The following KIAA1217 variants were observed in gnomAD, a reference collection of about 807,000 sequenced individuals.
KIAA1217 encodes sickle tail protein homolog.
KIAA1217 carries 88 observed loss-of-function variants against 163.9 expected under a neutral mutation model. The ratio of observed to expected loss-of-function variants is 0.54; its 90% CI spans 0.45 to 0.64. The LOEUF (loss-of-function observed/expected upper bound fraction) is 0.64, where lower values mean the gene tolerates loss of function less well. KIAA1217 is among the 30% of genes least tolerant of loss of function. KIAA1217 has a pLI of 0.00. For missense variants in KIAA1217, 2,372 were observed against 2,475.0 expected, an observed-to-expected ratio of 0.96 and a Z score of 0.88; for synonymous variants, 903 against 923.1, an observed-to-expected ratio of 0.98 and a Z score of 0.39.
At chr10:23,702,664 A>AACACAC (rs1163522532) in intron 1 of KIAA1217, among the ~76,000 whole-genome samples, 2 of 114,592 alleles carry the variant, frequency 1.7e-5, no homozygotes, top group East Asian at 2.5e-4. Context: ...AGAACAGGAG[A>AACACAC]ATACACACAC....
chr10:23,775,439 C>A (rs532275221), intron 1 of KIAA1217, among the ~76,000 whole-genome samples: 1 of 152,050 alleles, frequency 6.6e-6, no homozygotes, highest in South Asian at 2.1e-4. Context: ...ACAATGCATT[C>A]AGTTTCAGGT....
chr10:23,926,582 G>C (rs1426770727), intron 1 of KIAA1217, among the ~76,000 whole-genome samples: 1 of 152,002 alleles, frequency 6.6e-6, no homozygotes, highest in Non-Finnish European at 1.5e-5. Context: ...TAAATTAGCT[G>C]GGCGTGGTGG....
intron 2 of KIAA1217, among the ~76,000 whole-genome samples, chr10:24,247,129 T>C (rs1049913390): frequency 1.3e-5 from 2 of 150,942 alleles, no homozygotes; most frequent in Non-Finnish European, 3.0e-5. Context: ...CTTTTCTTTT[T>C]TTTTTTTTTC....
At chr10:23,836,515 CTT>C (rs58429186) in intron 1 of KIAA1217, among the ~76,000 whole-genome samples, 207 of 138,106 alleles carry the variant, frequency 1.5e-3, no homozygotes, top group African/African-American at 1.8e-3. Context: ...TCCAGAACTG[CTT>C]TTTTTTTTTT....
At chr10:24,446,067 G>A (rs576283215) in intron 5 of KIAA1217, among the ~76,000 whole-genome samples, 3 of 152,184 alleles carry the variant, frequency 2.0e-5, no homozygotes, top group South Asian at 2.1e-4. Flanking sequence ...TTTAATGATC[G>A]CCATTCTAAC....
intron 6 of KIAA1217, among the ~76,000 whole-genome samples, chr10:24,493,247 A>G (rs1016809673): frequency 1.3e-5 from 2 of 152,236 alleles, no homozygotes; most frequent in Admixed American, 6.5e-5. Context: ...CCCACCACTC[A>G]CAAACCCAGA....
chr10:23,928,390 G>A (rs1044071758), intron 1 of KIAA1217, among the ~76,000 whole-genome samples: 1 of 152,300 alleles, frequency 6.6e-6, no homozygotes, highest in African/African-American at 2.4e-5. Context: ...TCCGTGGCAT[G>A]ATAGATCTTT....
intron 1 of KIAA1217, among the ~76,000 whole-genome samples, chr10:23,803,786 G>C (rs1040709665): frequency 1.1e-4 from 17 of 151,996 alleles, no homozygotes; most frequent in African/African-American, 4.1e-4. Context: ...GCATCTCATT[G>C]CTGTGTGGAA....
intron 1 of KIAA1217, among the ~76,000 whole-genome samples, chr10:23,783,077 A>T (rs1438650343): frequency 6.6e-6 from 1 of 152,194 alleles, no homozygotes; most frequent in Non-Finnish European, 1.5e-5. Flanking sequence ...CTTTTTCTCC[A>T]TCTGTTTAGA....
In KIAA1217 at chr10:24,473,584, G is replaced by T. The variant is rs2063740820; in HGVS notation, c.1203G>T (p.Glu401Asp). The T allele has an allele frequency of 6.2e-7, 1 of 1,614,150 alleles. No individual in the cohort carries two copies. The change falls in exon 6 of 21, where the codon GAG (glutamate) becomes GAT (aspartate). Residue 401 changes from glutamate to aspartate, a missense_variant. Physicochemically the swap from Glu to Asp is conservative, Grantham distance 45 (BLOSUM62 2). This residue lies in a region of KIAA1217 where 1,431 missense variants were observed against 1,470.3 expected (regional missense o/e 0.97). Transcript: ENST00000376454. ...ATGCTGATCCTTACCTTTATCACGA[G>T]GGACGGATGAGCATAGCCTCATCCC... ...GFYADPYLYH[E>D]GRMSIASSHG...
intron 1 of KIAA1217, among the ~76,000 whole-genome samples, chr10:23,815,794 C>T (rs1588877856): frequency 2.0e-5 from 3 of 152,096 alleles, no homozygotes; most frequent in Admixed American, 2.0e-4. Context: ...GTTATTGTCC[C>T]AAGGTAAATT....
intron 6 of KIAA1217, among the ~76,000 whole-genome samples, chr10:24,477,028 C>T (rs1027884628): frequency 7.2e-5 from 11 of 152,342 alleles, no homozygotes; most frequent in Non-Finnish European, 1.5e-4. Context: ...GAGTCTGGAA[C>T]TTTTGCCCTC....
At chr10:24,399,161 T>C (rs1025036681) in intron 3 of KIAA1217, among the ~76,000 whole-genome samples, 2 of 152,242 alleles carry the variant, frequency 1.3e-5, no homozygotes, top group Non-Finnish European at 2.9e-5. Context: ...GTCATGTTCT[T>C]AATACACTGC....
At chr10:24,261,890 C>T (rs999748288) in intron 2 of KIAA1217, among the ~76,000 whole-genome samples, 1 of 152,162 alleles carries the variant, frequency 6.6e-6, no homozygotes, top group Non-Finnish European at 1.5e-5. Flanking sequence ...TAAGCCAAGA[C>T]ACAGTAGACA....
intron 2 of KIAA1217, among the ~76,000 whole-genome samples, chr10:24,334,980 A>G (rs1355103639): frequency 6.6e-6 from 1 of 152,260 alleles, no homozygotes. Context: ...AAACTCATAC[A>G]TGAATGTTTA....
chr10:23,971,464 G>C (rs550265851), intron 1 of KIAA1217, among the ~76,000 whole-genome samples: 1 of 152,126 alleles, frequency 6.6e-6, no homozygotes, highest in East Asian at 1.9e-4. Flanking sequence ...TGATTGGTTG[G>C]GGGGGAACCT....
intron 1 of KIAA1217, among the ~76,000 whole-genome samples, chr10:23,964,963 T>C (rs1844997388): frequency 1.3e-5 from 2 of 152,190 alleles, no homozygotes; most frequent in Admixed American, 1.3e-4. Context: ...TGAAGCTGGT[T>C]ATAGTGGGAT....
chr10:24,459,433 A>G (rs552131152), intron 5 of KIAA1217, among the ~76,000 whole-genome samples: 1 of 152,326 alleles, frequency 6.6e-6, no homozygotes, highest in African/African-American at 2.4e-5. Flanking sequence ...GTTCACGTAC[A>G]TGCCTTATTT....
chr10:24,202,805 G>A (rs1057297855), intron 2 of KIAA1217, among the ~76,000 whole-genome samples: 3 of 152,146 alleles, frequency 2.0e-5, no homozygotes, highest in African/African-American at 2.4e-5. Context: ...ATCTATGGCC[G>A]AACTGCATGA....
Sources: gnomAD v4.1 joint callset for allele counts (sites outside exome capture counted in the v4.1 genomes callset) on GRCh38, gnomAD v4.1.1 for gene constraint, gnomAD v4.1.1 regional missense constraint, MANE v1.5 for transcripts, NCBI Gene and HGNC (gene_info 2026-07-23, HGNC 2026-07-21) for gene names.